The following PCDHGA3 variants were observed in gnomAD, a reference collection of about 807,000 sequenced individuals.
The protein encoded by PCDHGA3 is protocadherin gamma-A3.
Under a neutral mutation model 58.5 loss-of-function variants are expected in PCDHGA3, and 40 were observed. The observed-to-expected ratio is 0.68, with a 90% CI of 0.53 to 0.89. PCDHGA3 has a LOEUF of 0.89. PCDHGA3 is among the 40% of genes least tolerant of loss of function. The pLI is 0.00. For synonymous variants in PCDHGA3, 530 were observed against 525.7 expected (o/e 1.01, Z -0.11); for missense variants, 1,223 against 1,195.9 (o/e 1.02, Z -0.33).
At chr5:141,361,454 T>G (rs780424534) in intron 1 of PCDHGA3, 1 of 1,614,026 alleles carries the variant, frequency 6.2e-7, no homozygotes, top group Non-Finnish European at 8.5e-7. Context: ...ATTGTCACCC[T>G]GCACATCTCC....
At chr5:141,352,581 A>G (rs1024925039) in intron 1 of PCDHGA3, 2 of 1,613,834 alleles carry the variant, frequency 1.2e-6, no homozygotes, top group Non-Finnish European at 1.7e-6. Context: ...GCTCCCCCTC[A>G]GGATCTGCTG....
At chr5:141,384,512 G>A (rs1780165876) in intron 1 of PCDHGA3, 1 of 1,614,062 alleles carries the variant, frequency 6.2e-7, no homozygotes, top group Admixed American at 1.7e-5. Context: ...CATGACAGCG[G>A]GGACCCGCCT....
At chr5:141,386,621 G>T (rs780529864) in intron 1 of PCDHGA3, among the ~76,000 whole-genome samples, 1 of 151,474 alleles carries the variant, frequency 6.6e-6, no homozygotes, top group Non-Finnish European at 1.5e-5. Flanking sequence ...ATGGAGTCTC[G>T]CTCTGTCACC....
intron 1 of PCDHGA3, chr5:141,371,408 A>G (rs1767731278): frequency 6.2e-7 from 1 of 1,614,038 alleles, no homozygotes; most frequent in Admixed American, 1.7e-5. Flanking sequence ...TAGATATTTC[A>G]GATGAAAATG....
Position 141,489,806 on chromosome 5 carries a change from A to G in PCDHGA3, c.2425-5001A>G. 1 of 1,614,198 alleles carries G rather than the reference A, an allele frequency of 6.2e-7. No homozygotes were observed. Among genetic ancestry groups the G allele is most frequent in the South Asian group, 1.1e-5 (1 of 91,082 alleles). Reference sequence around the variant, plus strand: ...AATGTGAAGACCCTAAAAGATGGGAAGCCATTCCCAGAGCTGGTGCTAGAG... The same window carrying G: ...AATGTGAAGACCCTAAAAGATGGGAGGCCATTCCCAGAGCTGGTGCTAGAG... On this transcript the variant is annotated intron_variant, in intron 1 of 3. Coordinates refer to ENST00000253812, the MANE Select transcript of PCDHGA3 (RefSeq NM_018916.4). The surrounding 1 kb of genome is among the most constrained non-coding windows in gnomAD (Gnocchi z 4.5).
Position 141,346,419 on chromosome 5 carries a change from G to T in PCDHGA3, c.2386G>T (p.Asp796Tyr). The T allele has an allele frequency of 1.9e-6, 3 of 1,614,222 alleles. No homozygotes were observed. In the East Asian group the frequency reaches 6.7e-5, roughly 36 times the overall value. Residue 796 changes from aspartate (D) to tyrosine (Y), a missense_variant, in exon 1 of 4, where the codon GAT (aspartate) becomes TAT (tyrosine). Physicochemically the swap from Asp to Tyr is radical, Grantham distance 160. This residue lies in a region of PCDHGA3 where 325 missense variants were observed against 327.5 expected (regional missense o/e 0.99). Coordinates refer to ENST00000253812, the MANE Select transcript of PCDHGA3 (RefSeq NM_018916.4). ...AAGCGAGCCTCTTCTGATAACTCAG[G>T]ATTTACTTGAAATGAAAGGAGATTC... Reference protein sequence around the residue: ...EKSEPLLITQDLLEMKGDSNL... With the variant: ...EKSEPLLITQYLLEMKGDSNL...
chr5:141,370,835 C>G, intron 1 of PCDHGA3: 1 of 1,613,964 alleles, frequency 6.2e-7, no homozygotes, highest in East Asian at 2.2e-5. Flanking sequence ...AACTGGCTCT[C>G]ACTGGAGCCA....
At chr5:141,425,842 T>G (rs2096897830) in intron 1 of PCDHGA3, among the ~76,000 whole-genome samples, 1 of 152,230 alleles carries the variant, frequency 6.6e-6, no homozygotes, top group Non-Finnish European at 1.5e-5. Context: ...TTCTCTTTGC[T>G]GGGTTAATGA....
chr5:141,410,685 A>G, intron 1 of PCDHGA3: 1 of 1,528,540 alleles, frequency 6.5e-7, no homozygotes, highest in Non-Finnish European at 8.7e-7. Flanking sequence ...TTTTAGGCAT[A>G]CTACTTTATT....
At chr5:141,364,856 C>T (rs748996283) in intron 1 of PCDHGA3, 1 of 1,614,006 alleles carries the variant, frequency 6.2e-7, no homozygotes, top group South Asian at 1.1e-5. Context: ...CAGCTCCAAT[C>T]TGCACTTCTC....
intron 2 of PCDHGA3, among the ~76,000 whole-genome samples, chr5:141,502,253 T>C (rs1331834149): frequency 6.6e-6 from 1 of 152,232 alleles, no homozygotes; most frequent in South Asian, 2.1e-4. Context: ...TTTTTTTTAA[T>C]CCAGGATTTT....
In PCDHGA3 at chr5:141,485,318, G is replaced by A. The variant is rs1318256454; in HGVS notation, c.2425-9489G>A. On this transcript the variant is annotated intron_variant, in intron 1 of 3. Transcript: ENST00000253812. The surrounding 1 kb of genome is among the most constrained non-coding windows in gnomAD (Gnocchi z 5.7). ...GGAAGGGACTTTTGTAGGGAATGTC[G>A]CTCAAGATTTCCTGCTGGATACGGA... 3 of 1,614,142 alleles carry A rather than the reference G, an allele frequency of 1.9e-6. No homozygotes were observed. The highest frequency in any genetic ancestry group is 2.5e-6 in the Non-Finnish European group (3 of 1,180,006).
At chr5:141,398,797 G>A (rs1338071296) in intron 1 of PCDHGA3, 2 of 1,613,898 alleles carry the variant, frequency 1.2e-6, no homozygotes, top group South Asian at 1.1e-5. Flanking sequence ...ACCCCTAAGC[G>A]GCACCACTGA....
chr5:141,360,291 G>A (rs1221790863), intron 1 of PCDHGA3: 2 of 1,613,874 alleles, frequency 1.2e-6, no homozygotes, highest in African/African-American at 2.7e-5. Context: ...ACCTCGCCAA[G>A]GATCTGGGGC....
intron 1 of PCDHGA3, chr5:141,409,009 G>A (rs1189849996): frequency 6.2e-7 from 1 of 1,613,994 alleles, no homozygotes. Context: ...CCACTGACCA[G>A]GATGAGGGGG....
At chr5:141,460,335 T>C (rs1201595717) in intron 1 of PCDHGA3, among the ~76,000 whole-genome samples, 3 of 152,194 alleles carry the variant, frequency 2.0e-5, no homozygotes, top group Non-Finnish European at 4.4e-5. Flanking sequence ...CTTATGATGA[T>C]TTTCTCCTAT....
At chr5:141,446,312 T>C (rs2098498076) in intron 1 of PCDHGA3, among the ~76,000 whole-genome samples, 1 of 152,208 alleles carries the variant, frequency 6.6e-6, no homozygotes, top group African/African-American at 2.4e-5. Flanking sequence ...GAGTGATTCC[T>C]GGGTTTCCAC....
intron 1 of PCDHGA3, among the ~76,000 whole-genome samples, chr5:141,451,134 T>C (rs567790185): frequency 9.9e-5 from 15 of 152,254 alleles, no homozygotes; most frequent in African/African-American, 3.6e-4. Context: ...AGCCTTATGA[T>C]TGTATTTAGA....
intron 1 of PCDHGA3, chr5:141,389,258 C>G: frequency 6.2e-7 from 1 of 1,614,022 alleles, no homozygotes; most frequent in Non-Finnish European, 8.5e-7. Context: ...ATATAGTCCA[C>G]GTGGCCGAGA....
Sources: gnomAD v4.1 joint callset for allele counts (sites outside exome capture counted in the v4.1 genomes callset) on GRCh38, gnomAD v4.1.1 for gene constraint, gnomAD v4.1.1 regional missense constraint, Gnocchi (gnomAD v3.1) non-coding constraint, MANE v1.5 for transcripts, NCBI Gene and HGNC (gene_info 2026-07-23, HGNC 2026-07-21) for gene names.